Variants in CALN1 observed in about 807,000 individuals in gnomAD.
CALN1 encodes calneuron 1, also known as calcium-binding protein 8.
Under a neutral mutation model 30.6 loss-of-function variants are expected in CALN1, and 17 were observed. The observed-to-expected ratio is 0.56, with a 90% CI of 0.38 to 0.83. The LOEUF is 0.83. Ranked by LOEUF, CALN1 falls within the 40% of genes least tolerant of loss-of-function variation. The pLI, the probability that CALN1 is intolerant of heterozygous loss-of-function variation, is 0.00. For synonymous variants in CALN1, 156 were observed against 131.4 expected (o/e 1.19, Z -1.28); for missense variants, 291 against 354.9 (o/e 0.82, Z 1.45).
intron 3 of CALN1, among the ~76,000 whole-genome samples, chr7:72,263,824 T>C (rs1796433098): frequency 1.3e-5 from 2 of 152,300 alleles, no homozygotes; most frequent in Admixed American, 6.5e-5. Flanking sequence ...ACTGTGTTTG[T>C]TCCCAGGGAT....
At chr7:72,368,835 G>A (rs1343676218) in intron 2 of CALN1, among the ~76,000 whole-genome samples, 1 of 109,466 alleles carries the variant, frequency 9.1e-6, no homozygotes, top group Non-Finnish European at 1.8e-5. Context: ...TTTTTTTTGA[G>A]ACAGAATCTC....
intron 2 of CALN1, among the ~76,000 whole-genome samples, chr7:72,310,880 G>C (rs1305786155): frequency 7.2e-6 from 1 of 138,162 alleles, no homozygotes. Context: ...TCTGTCGCCA[G>C]CCTGGCGACA....
At chr7:71,917,648 G>A (rs559166565) in intron 5 of CALN1, among the ~76,000 whole-genome samples, 23 of 152,250 alleles carry the variant, frequency 1.5e-4, no homozygotes, top group African/African-American at 5.1e-4. Context: ...AGGAGAGAAT[G>A]AGTGCAAGTG....
chr7:71,857,479 C>T (rs1791024228), intron 5 of CALN1, among the ~76,000 whole-genome samples: 1 of 152,142 alleles, frequency 6.6e-6, no homozygotes, highest in Non-Finnish European at 1.5e-5. Context: ...AGAACTGCTG[C>T]CTTGGGCGTT....
the CALN1 span, among the ~76,000 whole-genome samples, chr7:72,481,142 G>T: frequency 6.6e-6 from 1 of 152,254 alleles, no homozygotes; most frequent in East Asian, 1.9e-4. Flanking sequence ...TGGTAGAGAC[G>T]GGTTTTGCCA....
At chr7:71,823,787 C>T (rs145416818) in intron 5 of CALN1, among the ~76,000 whole-genome samples, 1 of 151,910 alleles carries the variant, frequency 6.6e-6, no homozygotes, top group East Asian at 1.9e-4. Flanking sequence ...GAAAAAGAGG[C>T]TTAATGGACT....
At chr7:72,384,140 AT>A (rs1805069424) in intron 2 of CALN1, among the ~76,000 whole-genome samples, 1 of 152,210 alleles carries the variant, frequency 6.6e-6, no homozygotes, top group African/African-American at 2.4e-5. Context: ...TGCTTTCTCC[AT>A]TACTGGCAGG....
In CALN1 at chr7:71,836,231, A is replaced by C. The variant is rs115200950; in HGVS notation, c.502-25739T>G. Among the ~76,000 whole-genome samples the C allele has an allele frequency of 2.9e-3, 440 of 152,278 alleles. 4 individuals carry two copies. The highest frequency in any genetic ancestry group is 9.9e-3 in the African/African-American group (412 of 41,570). On this transcript the variant is annotated intron_variant, in intron 5 of 6. Coordinates refer to ENST00000395275, the MANE Select transcript of CALN1 (RefSeq NM_031468.4). ...CATCAGGGTCAATGCTTCTTGTGAT[A>C]TGTCACTGAATTTGGGGGTGGCTGC...
At chr7:72,139,668 C>G (rs896668428) in intron 3 of CALN1, among the ~76,000 whole-genome samples, 1 of 152,138 alleles carries the variant, frequency 6.6e-6, no homozygotes, top group Admixed American at 6.5e-5. Context: ...TCGGCCATGT[C>G]CACCCTCTTC....
At chr7:72,406,629 T>TTTTTTTTTTTTTAAGACC (rs1806719461) in intron 1 of CALN1, among the ~76,000 whole-genome samples, 1 of 31,868 alleles carries the variant, frequency 3.1e-5, no homozygotes, top group African/African-American at 3.9e-4. Context: ...TTTTTTTTTC[T>TTTTTTTTTTTTTAAGACC]TTTTTAAGAC....
At chr7:71,823,543 C>A (rs999296887) in intron 5 of CALN1, among the ~76,000 whole-genome samples, 5 of 152,000 alleles carry the variant, frequency 3.3e-5, no homozygotes, top group Non-Finnish European at 7.4e-5. Flanking sequence ...TATGGTGAAA[C>A]CCCGTCTCTA....
chr7:72,165,172 C>G (rs889119035), intron 3 of CALN1, among the ~76,000 whole-genome samples: 1 of 152,182 alleles, frequency 6.6e-6, no homozygotes, highest in African/African-American at 2.4e-5. Flanking sequence ...AACAAGTTCA[C>G]CATGGTATCT....
intron 5 of CALN1, among the ~76,000 whole-genome samples, chr7:71,873,921 A>G (rs539543521): frequency 1.3e-4 from 20 of 152,266 alleles, no homozygotes; most frequent in Non-Finnish European, 2.5e-4. Flanking sequence ...TAACCTGACC[A>G]TAAGTAGAGA....
chr7:72,451,352 G>A (rs1039083100), upstream of CALN1, among the ~76,000 whole-genome samples: 1 of 126,138 alleles, frequency 7.9e-6, no homozygotes, highest in Non-Finnish European at 1.6e-5. Flanking sequence ...GGGAGAAGAA[G>A]AGAAAAAGTA....
At chr7:72,136,855 C>T (rs1245063227) in intron 3 of CALN1, among the ~76,000 whole-genome samples, 1 of 152,166 alleles carries the variant, frequency 6.6e-6, no homozygotes, top group East Asian at 1.9e-4. Context: ...GCAGTCAGAA[C>T]ACACACAACA....
intron 2 of CALN1, among the ~76,000 whole-genome samples, chr7:72,279,514 C>T (rs989747770): frequency 6.6e-6 from 1 of 152,196 alleles, no homozygotes; most frequent in Non-Finnish European, 1.5e-5. Flanking sequence ...CACTCTCACA[C>T]AAAGTTAAAG....
chr7:71,896,803 T>G (rs2116914270), intron 5 of CALN1, among the ~76,000 whole-genome samples: 1 of 152,230 alleles, frequency 6.6e-6, no homozygotes, highest in African/African-American at 2.4e-5. Context: ...CATTTTAACT[T>G]CCTTCTCTGT....
intron 4 of CALN1, among the ~76,000 whole-genome samples, chr7:72,100,335 CT>C (rs1806560716): frequency 6.6e-6 from 1 of 151,948 alleles, no homozygotes; most frequent in South Asian, 2.1e-4. Flanking sequence ...ACGTGTACCA[CT>C]ATGCCCAGCT....
At chr7:72,255,189 G>A (rs560724882) in intron 3 of CALN1, among the ~76,000 whole-genome samples, 6 of 152,010 alleles carry the variant, frequency 3.9e-5, no homozygotes, top group Non-Finnish European at 5.9e-5. Context: ...GGGCTCAAGC[G>A]ATTCTCATGC....
Sources: allele counts gnomAD v4.1 joint callset (sites outside exome capture counted in the v4.1 genomes callset), GRCh38; gene constraint gnomAD v4.1.1; transcripts MANE v1.5; gene names NCBI Gene and HGNC (gene_info 2026-07-23, HGNC 2026-07-21).